PTPRT: variants seen among roughly 807,000 people sequenced by gnomAD.
The protein encoded by PTPRT is protein tyrosine phosphatase receptor type T.
Under a neutral mutation model 176.8 loss-of-function variants are expected in PTPRT, and 56 were observed. That is an observed-to-expected ratio of 0.32 (90% CI 0.26 to 0.40). The LOEUF (loss-of-function observed/expected upper bound fraction) is 0.40. PTPRT is among the 10% of genes least tolerant of loss of function. The probability of loss-of-function intolerance (pLI) is 1.00; values close to 1 mark genes in which losing one functional copy is unlikely to be tolerated. For synonymous variants in PTPRT, 783 were observed against 739.0 expected, an observed-to-expected ratio of 1.06 and a Z score of -0.96; for missense variants, 1,540 against 1,908.2, an observed-to-expected ratio of 0.81 and a Z score of 3.60.
chr20:42,338,840 T>G (rs2058074907), intron 11 of PTPRT, among the ~76,000 whole-genome samples: 2 of 152,178 alleles, frequency 1.3e-5, no homozygotes, highest in Admixed American at 1.3e-4. Context: ...TTGTGCTTAT[T>G]CAGACTGAAC....
downstream of PTPRT, among the ~76,000 whole-genome samples, chr20:42,068,664 A>C (rs539501203): frequency 4.6e-5 from 7 of 152,364 alleles, no homozygotes; most frequent in African/African-American, 1.4e-4. Context: ...TTAGGCAGCA[A>C]AACATGATTC....
intron 2 of PTPRT, among the ~76,000 whole-genome samples, chr20:42,866,121 C>A (rs75919394): frequency 6.6e-6 from 1 of 152,166 alleles, no homozygotes; most frequent in African/African-American, 2.4e-5. Flanking sequence ...TTAAAAATAC[C>A]CTCGGTGATT....
chr20:42,573,749 CTT>C (rs150938657), intron 7 of PTPRT, among the ~76,000 whole-genome samples: 5 of 112,540 alleles, frequency 4.4e-5, no homozygotes, highest in Non-Finnish European at 3.4e-5. Context: ...TTCTTTCTTT[CTT>C]TTTTTTTTTT....
intron 27 of PTPRT, among the ~76,000 whole-genome samples, chr20:42,086,747 A>ATATATATATATATATATATATATAT (rs59722053): frequency 1.7e-5 from 1 of 58,760 alleles, no homozygotes; most frequent in Non-Finnish European, 3.5e-5. Context: ...AAAAAAAAAA[A>ATATATATATATATATATATATATAT]AAAAAAATAT....
At chr20:42,757,052 TAAA>T (rs554308907) in intron 5 of PTPRT, among the ~76,000 whole-genome samples, 7 of 118,592 alleles carry the variant, frequency 5.9e-5, no homozygotes, top group Admixed American at 9.1e-5. Context: ...CCTGCCTCTT[TAAA>T]AAAAAAAAAA....
intron 9 of PTPRT, among the ~76,000 whole-genome samples, chr20:42,395,176 G>A (rs2058837815): frequency 6.6e-6 from 1 of 152,008 alleles, no homozygotes; most frequent in South Asian, 2.1e-4. Flanking sequence ...CTACTTTATG[G>A]AGTCTCTTCA....
At chr20:42,043,474 G>T in the PTPRT span, among the ~76,000 whole-genome samples, 1 of 152,104 alleles carries the variant, frequency 6.6e-6, no homozygotes, top group Admixed American at 6.6e-5. Flanking sequence ...TATTACTTCT[G>T]GGCCAAAGTA....
intron 1 of PTPRT, among the ~76,000 whole-genome samples, chr20:42,919,046 A>G (rs1000081084): frequency 2.0e-5 from 3 of 152,234 alleles, no homozygotes; most frequent in Admixed American, 6.5e-5. Flanking sequence ...GGCCAACACC[A>G]GGAGGCAAAG....
At chr20:43,129,679 C>T (rs951242449) in intron 1 of PTPRT, among the ~76,000 whole-genome samples, 5 of 123,286 alleles carry the variant, frequency 4.1e-5, no homozygotes, top group South Asian at 2.9e-4. Context: ...AGTGCAGTGG[C>T]GGGATCTCGG....
At chr20:42,801,281 C>A (rs1013824343) in intron 2 of PTPRT, among the ~76,000 whole-genome samples, 3 of 152,056 alleles carry the variant, frequency 2.0e-5, no homozygotes, top group African/African-American at 7.2e-5. Context: ...TGGAAGGGGT[C>A]CCATGGAGGT....
intron 17 of PTPRT, among the ~76,000 whole-genome samples, chr20:42,159,938 C>T (rs568102241): frequency 6.6e-6 from 1 of 152,184 alleles, no homozygotes; most frequent in South Asian, 2.1e-4. Context: ...CTGTCTGCAC[C>T]CCCAGTTTAG....
chr20:42,478,497 C>A (rs1241113597), intron 7 of PTPRT, among the ~76,000 whole-genome samples: 9 of 152,082 alleles, frequency 5.9e-5, no homozygotes. Flanking sequence ...ACCTTCCTGC[C>A]CCCAAATGCC....
At chr20:42,730,182 T>G (rs890051565) in intron 6 of PTPRT, among the ~76,000 whole-genome samples, 4 of 152,226 alleles carry the variant, frequency 2.6e-5, no homozygotes, top group African/African-American at 9.6e-5. Context: ...TAGAACCTTA[T>G]TCTGGTCTGA....
intron 1 of PTPRT, among the ~76,000 whole-genome samples, chr20:42,916,691 T>C (rs887243268): frequency 6.6e-6 from 1 of 152,268 alleles, no homozygotes; most frequent in Admixed American, 6.5e-5. Context: ...ATTGTGGTTT[T>C]GATTTGCATT....
chr20:42,182,243 A>G (rs1176220140), intron 16 of PTPRT, among the ~76,000 whole-genome samples: 1 of 152,210 alleles, frequency 6.6e-6, no homozygotes, highest in Non-Finnish European at 1.5e-5. Flanking sequence ...GAAGCCAATA[A>G]CGGATTTTTG....
At position 42,532,929 on chromosome 20, in the gene PTPRT, T is replaced by A. The variant is rs150404014; in HGVS notation, c.1154-60367A>T. On this transcript the variant is annotated intron_variant, in intron 7 of 30. Transcript: ENST00000373187. ...ATGCCCCACTGAGCCCCAGAGCTAG[T>A]TATGCAAGTCGTTTAGCAGAGCCTC... 6.3e-4 allele frequency among the ~76,000 whole-genome samples: 96 copies of A among 152,216 alleles called. No individual in the cohort carries two copies. In the East Asian group the frequency reaches 0.012, roughly 20 times the overall value.
intron 11 of PTPRT, among the ~76,000 whole-genome samples, chr20:42,336,772 C>T (rs2058046208): frequency 6.6e-6 from 1 of 152,196 alleles, no homozygotes; most frequent in Admixed American, 6.5e-5. Flanking sequence ...ACGCAAAAAG[C>T]TGACAAAATT....
intron 1 of PTPRT, among the ~76,000 whole-genome samples, chr20:43,045,304 G>GATTCC (rs1986786232): frequency 6.6e-6 from 1 of 152,060 alleles, no homozygotes; most frequent in East Asian, 1.9e-4. Context: ...GAGCTAACTG[G>GATTCC]TACTGACACA....
chr20:42,130,598 T>G lies in PTPRT; in HGVS notation c.2771-1768A>C, dbSNP rs552703835. Among the ~76,000 whole-genome samples, 230 of 152,304 alleles carry G rather than the reference T, an allele frequency of 1.5e-3. 1 individual carries two copies. The highest frequency in any genetic ancestry group is 5.1e-3 in the African/African-American group (212 of 41,558). ...AGAAGGTAAGGAATGGGTCCTATTA[T>G]GGACAAACAGGCCTAGGGCTGGTAT... On this transcript the variant is annotated intron_variant, in intron 18 of 30. Transcript: ENST00000373187.
Sources: allele counts gnomAD v4.1 joint callset (sites outside exome capture counted in the v4.1 genomes callset), GRCh38; gene constraint gnomAD v4.1.1; transcripts MANE v1.5; gene names NCBI Gene and HGNC (gene_info 2026-07-23, HGNC 2026-07-21).